The following CWC27 variants were observed in gnomAD, a reference collection of about 807,000 sequenced individuals.
The protein encoded by CWC27 is CWC27 spliceosome associated cyclophilin.
CWC27 carries 47 observed loss-of-function variants against 63.6 expected under a neutral mutation model. That is an observed-to-expected ratio of 0.74 (90% confidence interval 0.58 to 0.94). CWC27 has a LOEUF of 0.94. CWC27 is among the 40% of genes least tolerant of loss of function. The pLI is 0.00. For missense variants in CWC27, 495 were observed against 554.3 expected (o/e 0.89, Z 1.07); for synonymous variants, 175 against 179.8 (o/e 0.97, Z 0.22).
At chr5:64,799,602 A>ATATATATATATATATATATATG (rs143997810) in intron 7 of CWC27, among the ~76,000 whole-genome samples, 11,446 of 131,770 alleles carry the variant, frequency 0.087, 993 homozygotes, top group African/African-American at 0.12. Flanking sequence ...ATATATATAT[A>ATATATATATATATATATATATG]CTTAATAGCA....
chr5:64,835,697 T>C (rs1229605521), intron 10 of CWC27, among the ~76,000 whole-genome samples: 5 of 151,866 alleles, frequency 3.3e-5, no homozygotes, highest in African/African-American at 7.2e-5. Context: ...TTTAACAATG[T>C]ATTTTTTTCT....
At chr5:64,842,594 T>A (rs1745874003) in intron 10 of CWC27, among the ~76,000 whole-genome samples, 1 of 144,890 alleles carries the variant, frequency 6.9e-6, no homozygotes, top group South Asian at 2.2e-4. Flanking sequence ...GAGCCACTGC[T>A]CCCAGCCTAT....
intron 11 of CWC27, among the ~76,000 whole-genome samples, chr5:64,922,272 A>G (rs555894018): frequency 6.6e-6 from 1 of 152,210 alleles, no homozygotes; most frequent in Non-Finnish European, 1.5e-5. Context: ...AATGTCAATG[A>G]ATTATAGGTT....
chr5:64,969,731 A>G (rs1749083560), intron 11 of CWC27, among the ~76,000 whole-genome samples: 1 of 152,160 alleles, frequency 6.6e-6, no homozygotes, highest in Non-Finnish European at 1.5e-5. Flanking sequence ...AAGAAGAGTA[A>G]ACAGGAAATC....
chr5:64,814,826 C>T lies in CWC27; in HGVS notation c.938+10440C>T, dbSNP rs535997258. Among the ~76,000 whole-genome samples, 22 of 152,154 alleles carry T rather than the reference C, an allele frequency of 1.4e-4. No individual in the cohort carries two copies. In the East Asian group the frequency reaches 2.9e-3, roughly 20 times the overall value. On this transcript the variant is annotated intron_variant, in intron 10 of 13. Transcript: ENST00000381070. ...TTAGAAGGAGACTGAAGCAGAAAGA[C>T]GAATTAGATTATTACACTAGTCCAG...
intron 13 of CWC27, among the ~76,000 whole-genome samples, chr5:64,983,957 G>A (rs901026536): frequency 2.0e-5 from 3 of 151,890 alleles, no homozygotes; most frequent in Non-Finnish European, 2.9e-5. Flanking sequence ...TCAGCCTCCC[G>A]AGTAGCTGGG....
At chr5:64,874,154 C>CTT (rs748768571) in intron 10 of CWC27, among the ~76,000 whole-genome samples, 101 of 48,804 alleles carry the variant, frequency 2.1e-3, no homozygotes, top group Non-Finnish European at 2.5e-3. Context: ...ATTGTTGATG[C>CTT]TTTTTTTTTT....
intron 10 of CWC27, among the ~76,000 whole-genome samples, chr5:64,848,143 G>A (rs1746038285): frequency 1.3e-5 from 2 of 150,850 alleles, no homozygotes; most frequent in African/African-American, 4.9e-5. Context: ...GGAGAGAAGG[G>A]TAAAATAAAT....
chr5:64,870,698 AT>A (rs1268084675), intron 10 of CWC27, among the ~76,000 whole-genome samples: 1 of 151,984 alleles, frequency 6.6e-6, no homozygotes, highest in Non-Finnish European at 1.5e-5. Flanking sequence ...ACAGAAATAA[AT>A]TTTTCTTTAT....
intron 11 of CWC27, among the ~76,000 whole-genome samples, chr5:64,912,350 C>G (rs1747807518): frequency 6.6e-6 from 1 of 151,994 alleles, no homozygotes; most frequent in African/African-American, 2.4e-5. Flanking sequence ...CCAGCAGAAA[C>G]AACAAATAGA....
rs148714847 is a variant in CWC27, at chr5:64,923,454, C to T, written c.1042+37908C>T. ...TGAGATGCATCTCAGCACTCAGCAA[C>T]CTCATGTGGGGTTTCCAGCTTCCTC... is the stretch of plus-strand genomic sequence containing the variant. On this transcript the variant is annotated intron_variant, in intron 11 of 13. Coordinates refer to ENST00000381070, the MANE Select transcript of CWC27 (RefSeq NM_005869.4). 3.7e-3 allele frequency among the ~76,000 whole-genome samples: 559 copies of T among 150,466 alleles called. 1 individual carries two copies. The highest frequency in any genetic ancestry group is 0.013 in the African/African-American group (523 of 40,530).
chr5:65,018,433 C>A lies in CWC27; in HGVS notation c.*112C>A. 1 of 920,528 alleles carries A rather than the reference C, an allele frequency of 1.1e-6. No homozygotes were observed. The highest frequency in any genetic ancestry group is 3.0e-5 in the East Asian group (1 of 33,678). 57.0% of individuals were successfully genotyped at this position (920,528 alleles called of 1,614,324 possible). ...GGTGTGAAAAGAAGTATTTTTGAAC[C>A]TGTTGTCTGGTTTTGAAAAACAATT... On this transcript the variant is annotated 3_prime_UTR_variant, in exon 14 of 14. Coordinates refer to ENST00000381070, the MANE Select transcript of CWC27 (RefSeq NM_005869.4).
intron 11 of CWC27, among the ~76,000 whole-genome samples, chr5:64,942,804 C>T (rs1437548764): frequency 6.6e-6 from 1 of 152,192 alleles, no homozygotes; most frequent in Non-Finnish European, 1.5e-5. Context: ...TATGGCTTTA[C>T]TCCGGACTTT....
intron 11 of CWC27, among the ~76,000 whole-genome samples, chr5:64,962,890 A>G (rs1439725489): frequency 1.3e-5 from 2 of 152,238 alleles, no homozygotes; most frequent in Non-Finnish European, 2.9e-5. Context: ...AGAGAGGGTC[A>G]GAAGACAGAA....
intron 10 of CWC27, among the ~76,000 whole-genome samples, chr5:64,827,355 T>C (rs1745391767): frequency 6.6e-6 from 1 of 152,158 alleles, no homozygotes; most frequent in South Asian, 2.1e-4. Flanking sequence ...GTCATAAGCT[T>C]TTATACCACG....
Position 64,920,811 on chromosome 5 carries a change from A to G in CWC27, c.1042+35265A>G, listed in dbSNP as rs915273305. The stretch of plus-strand genomic sequence containing the variant: ...GGTCAGTTTTAATGTCATTTTTGTC[A>G]TATATGATTGTGTTTATTTGGATCT... On this transcript the variant is annotated intron_variant, in intron 11 of 13. Coordinates refer to ENST00000381070, the MANE Select transcript of CWC27 (RefSeq NM_005869.4). Among the ~76,000 whole-genome samples, 19 of 151,884 alleles carry G rather than the reference A, an allele frequency of 1.3e-4. 1 individual carries two copies. Among genetic ancestry groups the G allele is most frequent in the Admixed American group, 1.2e-3 (18 of 15,250 alleles).
intron 10 of CWC27, among the ~76,000 whole-genome samples, chr5:64,807,194 C>A (rs1384547902): frequency 2.0e-5 from 3 of 152,138 alleles, no homozygotes; most frequent in Non-Finnish European, 2.9e-5. Context: ...AGCCCACCAG[C>A]CCTTTAAGCA....
intron 13 of CWC27, among the ~76,000 whole-genome samples, chr5:64,994,976 T>C (rs991468939): frequency 9.9e-5 from 15 of 151,934 alleles, no homozygotes; most frequent in Admixed American, 5.2e-4. Context: ...TACTCTTATG[T>C]GTATATCTTT....
chr5:64,941,408 G>A (rs1748476309), intron 11 of CWC27, among the ~76,000 whole-genome samples: 1 of 152,040 alleles, frequency 6.6e-6, no homozygotes, highest in African/African-American at 2.4e-5. Context: ...CCAATAGTGA[G>A]AATACTTGCT....
Sources: allele counts gnomAD v4.1 joint callset (sites outside exome capture counted in the v4.1 genomes callset), GRCh38; gene constraint gnomAD v4.1.1; transcripts MANE v1.5; gene names NCBI Gene and HGNC (gene_info 2026-07-23, HGNC 2026-07-21).